Variants in NALF1 observed in about 807,000 individuals in gnomAD.
The protein encoded by NALF1 is NALCN channel auxiliary factor 1.
In NALF1, 3 loss-of-function variants were observed where a neutral mutation model predicts 48.4. That is an observed-to-expected ratio of 0.06 (90% CI 0.03 to 0.16). NALF1 has a LOEUF of 0.16. Among genes scored for constraint, NALF1 ranks in the 10% least tolerant of loss-of-function variants. The probability of loss-of-function intolerance (pLI) is 1.00; values close to 1 mark genes in which losing one functional copy is unlikely to be tolerated. For synonymous variants in NALF1, 262 were observed against 245.7 expected (o/e 1.07, Z -0.62); for missense variants, 526 against 571.5 (o/e 0.92, Z 0.81).
intron 1 of NALF1, among the ~76,000 whole-genome samples, chr13:107,751,138 A>G (rs781274423): frequency 6.6e-6 from 1 of 152,234 alleles, no homozygotes; most frequent in Non-Finnish European, 1.5e-5. Flanking sequence ...CCAGAAAATT[A>G]TCTATTTTGT....
intron 1 of NALF1, among the ~76,000 whole-genome samples, chr13:107,823,622 C>T (rs1298804288): frequency 6.6e-6 from 1 of 152,168 alleles, no homozygotes; most frequent in Non-Finnish European, 1.5e-5. Flanking sequence ...ACTCTCCCTT[C>T]TCCAACTTAT....
chr13:107,493,377 G>A (rs1257744944), intron 1 of NALF1, among the ~76,000 whole-genome samples: 3 of 152,076 alleles, frequency 2.0e-5, no homozygotes, highest in Non-Finnish European at 4.4e-5. Context: ...GGCTCTCTTG[G>A]GTGTGCTGCA....
chr13:107,659,960 T>C (rs1880684967), intron 1 of NALF1, among the ~76,000 whole-genome samples: 1 of 151,640 alleles, frequency 6.6e-6, no homozygotes, highest in African/African-American at 2.4e-5. Flanking sequence ...CTCCATCTCC[T>C]GACCTTGTGA....
intron 2 of NALF1, among the ~76,000 whole-genome samples, chr13:107,195,507 GT>G (rs1879371132): frequency 1.3e-5 from 2 of 152,246 alleles, no homozygotes; most frequent in South Asian, 4.1e-4. Context: ...CTGTAAGTTT[GT>G]GATAATCACA....
rs376330333 is a variant in NALF1 at position 107,865,859 on chromosome 13, G to A, written c.738C>T (p.Cys246=). ...SGLSSPNTLN[C]SLDVVLKEGG... is the part of the protein sequence containing the mutation. Reference sequence around the variant, plus strand: ...CTTCCTTGAGCACCACATCCAGACTGCAGTTCAAAGTGTTGGGACTGGACA... The same window carrying A: ...CTTCCTTGAGCACCACATCCAGACTACAGTTCAAAGTGTTGGGACTGGACA... The change falls in exon 1 of 3, where the codon TGC becomes TGT. Residue 246 remains cysteine, a synonymous_variant. Transcript: ENST00000375915. 8 of 1,614,114 alleles carry A rather than the reference G, an allele frequency of 5.0e-6. 1 individual carries two copies. In the East Asian group the frequency reaches 8.9e-5, roughly 18 times the overall value.
chr13:107,237,655 T>C (rs1166731873), intron 1 of NALF1, among the ~76,000 whole-genome samples: 2 of 152,162 alleles, frequency 1.3e-5, no homozygotes, highest in Non-Finnish European at 2.9e-5. Context: ...AAAATGCCTG[T>C]ACATGTTCAG....
chr13:107,408,212 G>C (rs1197647562), intron 1 of NALF1, among the ~76,000 whole-genome samples: 4 of 151,916 alleles, frequency 2.6e-5, no homozygotes, highest in Admixed American at 2.0e-4. Context: ...TAACGTAACA[G>C]GGTGATTATA....
intron 1 of NALF1, among the ~76,000 whole-genome samples, chr13:107,422,522 G>A (rs1884206100): frequency 6.6e-6 from 1 of 151,986 alleles, no homozygotes; most frequent in Non-Finnish European, 1.5e-5. Context: ...ACATTGATGG[G>A]CCCAAGTAGG....
At chr13:107,679,659 C>T (rs1431525741) in intron 1 of NALF1, among the ~76,000 whole-genome samples, 4 of 152,190 alleles carry the variant, frequency 2.6e-5, no homozygotes, top group Non-Finnish European at 4.4e-5. Context: ...CCAGAATGCC[C>T]CTCATCCAGG....
intron 1 of NALF1, among the ~76,000 whole-genome samples, chr13:107,485,696 T>C (rs1160504677): frequency 2.0e-5 from 3 of 152,194 alleles, no homozygotes; most frequent in African/African-American, 4.8e-5. Flanking sequence ...AAATGAACAT[T>C]TGCTCTACAA....
chr13:107,374,796 A>G (rs554737736), intron 1 of NALF1, among the ~76,000 whole-genome samples: 2 of 151,360 alleles, frequency 1.3e-5, no homozygotes, highest in African/African-American at 4.9e-5. Flanking sequence ...CCCCTCTTGA[A>G]CTCTCTCACT....
chr13:107,274,081 A>G (rs1039765980), intron 1 of NALF1, among the ~76,000 whole-genome samples: 3 of 152,122 alleles, frequency 2.0e-5, no homozygotes, highest in Non-Finnish European at 4.4e-5. Flanking sequence ...ACTTTCGTAC[A>G]TAATTTTTAT....
chr13:107,340,260 C>T (rs908681987), intron 1 of NALF1, among the ~76,000 whole-genome samples: 1 of 151,720 alleles, frequency 6.6e-6, no homozygotes, highest in Non-Finnish European at 1.5e-5. Flanking sequence ...CCTGCCTCAG[C>T]CTCCCGAGTA....
At chr13:107,421,674 T>C (rs1176581403) in intron 1 of NALF1, among the ~76,000 whole-genome samples, 3 of 152,172 alleles carry the variant, frequency 2.0e-5, no homozygotes, top group Non-Finnish European at 4.4e-5. Context: ...CTCCTTACCC[T>C]GACGGCTATC....
At chr13:107,201,227 A>G (rs546838531) in intron 2 of NALF1, among the ~76,000 whole-genome samples, 75 of 152,272 alleles carry the variant, frequency 4.9e-4, no homozygotes, top group African/African-American at 1.7e-3. Context: ...GTTGATAGAT[A>G]TCTCTCAATG....
chr13:107,326,000 T>C (rs1882358000), intron 1 of NALF1, among the ~76,000 whole-genome samples: 3 of 149,336 alleles, frequency 2.0e-5, no homozygotes, highest in South Asian at 4.3e-4. Flanking sequence ...TACATATATA[T>C]GTATATGTGT....
chr13:107,218,261 C>G (rs1434123510), intron 1 of NALF1, among the ~76,000 whole-genome samples: 1 of 152,204 alleles, frequency 6.6e-6, no homozygotes, highest in Non-Finnish European at 1.5e-5. Context: ...ATGAGCTCTT[C>G]TTCGGCAGTT....
intron 1 of NALF1, among the ~76,000 whole-genome samples, chr13:107,275,462 T>C (rs1233723792): frequency 1.3e-5 from 2 of 152,176 alleles, no homozygotes; most frequent in African/African-American, 4.8e-5. Flanking sequence ...TGAGAGCCTG[T>C]ATGGACCCTC....
intron 1 of NALF1, among the ~76,000 whole-genome samples, chr13:107,495,257 A>T (rs1477915057): frequency 6.6e-6 from 1 of 152,176 alleles, no homozygotes; most frequent in Non-Finnish European, 1.5e-5. Context: ...GTACATAAAG[A>T]GATGCGCCAA....
Sources: allele counts gnomAD v4.1 joint callset (sites outside exome capture counted in the v4.1 genomes callset), GRCh38; gene constraint gnomAD v4.1.1; transcripts MANE v1.5; gene names NCBI Gene and HGNC (gene_info 2026-07-23, HGNC 2026-07-21).